The following WRN variants were observed in gnomAD, a reference collection of about 807,000 sequenced individuals.
The protein encoded by WRN is bifunctional 3'-5' exonuclease/ATP-dependent helicase WRN.
A neutral mutation model predicts 180.7 loss-of-function variants in WRN; 149 were observed. That is an observed-to-expected ratio of 0.82 (90% CI 0.72 to 0.94). The LOEUF (loss-of-function observed/expected upper bound fraction) is 0.94. Among genes scored for constraint, WRN ranks in the 40% least tolerant of loss-of-function variants. The pLI is 0.00. For synonymous variants in WRN, 548 were observed against 568.9 expected (o/e 0.96, Z 0.52); for missense variants, 1,661 against 1,700.1 (o/e 0.98, Z 0.40).
In WRN at chr8:31,175,184, C is replaced by G. The variant is rs977627955; in HGVS notation, c.*2082C>G. Among the ~76,000 whole-genome samples the G allele has an allele frequency of 6.6e-6, 1 of 152,042 alleles. No individual in the cohort carries two copies. The highest frequency in any genetic ancestry group is 2.4e-5 in the African/African-American group (1 of 41,384). ...GGGCGCGGTGGCTCACGCCTGTAAT[C>G]CCAGCACTTTGGGAGGCCGAGGCGG... On this transcript the variant is annotated 3_prime_UTR_variant, in exon 35 of 35. Transcript: ENST00000298139.
At chr8:31,135,019 C>T (rs1478508742) in intron 24 of WRN, among the ~76,000 whole-genome samples, 1 of 151,884 alleles carries the variant, frequency 6.6e-6, no homozygotes, top group Non-Finnish European at 1.5e-5. Flanking sequence ...TCCCCCAAGC[C>T]CCCCCACCAA....
At chr8:31,161,028 CT>C (rs376084414) in intron 33 of WRN, among the ~76,000 whole-genome samples, 5 of 148,326 alleles carry the variant, frequency 3.4e-5, no homozygotes, top group Admixed American at 6.7e-5. Context: ...CCCCCACCCC[CT>C]TTTTTTTTTC....
intron 18 of WRN, among the ~76,000 whole-genome samples, chr8:31,109,625 G>A (rs1263242382): frequency 6.6e-6 from 1 of 152,084 alleles, no homozygotes; most frequent in African/African-American, 2.4e-5. Flanking sequence ...TATGATAGTT[G>A]AAACTTTTTG....
intron 1 of WRN, among the ~76,000 whole-genome samples, chr8:31,040,231 A>G (rs1811598225): frequency 6.6e-6 from 1 of 152,214 alleles, no homozygotes; most frequent in Non-Finnish European, 1.5e-5. Flanking sequence ...CTTTATATCT[A>G]TTGAGTGGAA....
intron 33 of WRN, 129 bp downstream of exon 33, chr8:31,157,659 T>C: frequency 7.6e-7 from 1 of 1,323,258 alleles, no homozygotes; most frequent in Non-Finnish European, 1.0e-6. Flanking sequence ...TGTGATTCTT[T>C]TTCTTGTTTT....
intron 1 of WRN, among the ~76,000 whole-genome samples, chr8:31,046,427 G>C (rs140881698): frequency 3.9e-5 from 6 of 152,192 alleles, no homozygotes; most frequent in Admixed American, 6.5e-5. Context: ...GATTAAGAAA[G>C]AGGATGGCTT....
At position 31,043,477 on chromosome 8, in the gene WRN, G is replaced by A. The variant is rs574537196; in HGVS notation, c.-77+9504G>A. ...TTGCTGTTACACATTTTGGGATGGG[G>A]TGAGGAGGGCTGAATGGAGATTAGG... On this transcript the variant is annotated intron_variant, in intron 1 of 34. Transcript: ENST00000298139. Among the ~76,000 whole-genome samples, 6 of 152,284 alleles carry A rather than the reference G, an allele frequency of 3.9e-5. No homozygotes were observed. In the South Asian group the frequency reaches 1.2e-3, roughly 32 times the overall value.
chr8:31,062,409 A>ATT (rs3056741), intron 3 of WRN, among the ~76,000 whole-genome samples: 9,783 of 139,650 alleles, frequency 0.07, 489 homozygotes, highest in East Asian at 0.16. Flanking sequence ...ATTTTCTTCA[A>ATT]TTTTTTTTTT....
At chr8:31,122,147 A>T (rs1801747477) in intron 21 of WRN, among the ~76,000 whole-genome samples, 1 of 152,036 alleles carries the variant, frequency 6.6e-6, no homozygotes, top group Non-Finnish European at 1.5e-5. Flanking sequence ...ATTCAAATCA[A>T]ATAGTGGTGC....
At chr8:31,148,254 C>T (rs1390306474) in intron 30 of WRN, among the ~76,000 whole-genome samples, 1 of 151,900 alleles carries the variant, frequency 6.6e-6, no homozygotes, top group Non-Finnish European at 1.5e-5. Context: ...TCTATGCCTT[C>T]CTCCTCCTTC....
intron 16 of WRN, among the ~76,000 whole-genome samples, chr8:31,094,994 C>A (rs1367241251): frequency 1.3e-5 from 2 of 152,052 alleles, no homozygotes; most frequent in Admixed American, 1.3e-4. Flanking sequence ...AGTGGAATTG[C>A]TGGGCTATAT....
intron 2 of WRN, among the ~76,000 whole-genome samples, chr8:31,058,836 G>A (rs187441871): frequency 3.6e-4 from 55 of 152,050 alleles, no homozygotes; most frequent in Admixed American, 7.2e-4. Context: ...TTTGCCAGCC[G>A]GTCTTCAGCA....
chr8:31,058,678 T>C (rs560980155), intron 2 of WRN, 135 bp downstream of exon 2: 2 of 846,144 alleles, frequency 2.4e-6, no homozygotes, highest in Non-Finnish European at 3.8e-6. Flanking sequence ...CACCAGGACC[T>C]AGTTGTTGAA....
At chr8:31,110,459 CT>C (rs1221391866) in intron 18 of WRN, among the ~76,000 whole-genome samples, 1 of 152,102 alleles carries the variant, frequency 6.6e-6, no homozygotes, top group African/African-American at 2.4e-5. Context: ...AAAAAACCTA[CT>C]CTTAAACTTA....
chr8:31,132,294 G>A (rs1355836964), intron 23 of WRN, 71 bp from the exon 24 acceptor site: 1 of 1,550,660 alleles, frequency 6.4e-7, no homozygotes, highest in African/African-American at 1.4e-5. Context: ...TAATTGTTAT[G>A]CTAAATCTTT....
chr8:31,058,948 A>G (rs1812380372), intron 2 of WRN, among the ~76,000 whole-genome samples: 1 of 152,230 alleles, frequency 6.6e-6, no homozygotes, highest in African/African-American at 2.4e-5. Flanking sequence ...TAGAGGTTTG[A>G]AAATAAACTT....
At chr8:31,152,194 G>A (rs2162072) in intron 31 of WRN, among the ~76,000 whole-genome samples, 149,404 of 152,168 alleles carry the variant, frequency 0.98, 73,411 homozygotes, top group East Asian at 1. Flanking sequence ...GCAAAAATGT[G>A]ATCAAATCGT....
At chr8:31,164,230 A>G (rs1231893534) in intron 33 of WRN, among the ~76,000 whole-genome samples, 1 of 152,154 alleles carries the variant, frequency 6.6e-6, no homozygotes, top group Non-Finnish European at 1.5e-5. Context: ...TTTTCTTTAT[A>G]AAATACTTTT....
At chr8:31,131,209 G>C (rs1016166680) in intron 23 of WRN, among the ~76,000 whole-genome samples, 2 of 132,070 alleles carry the variant, frequency 1.5e-5, no homozygotes, top group South Asian at 4.8e-4. Flanking sequence ...CTGGAGTGTA[G>C]TGGTGGCCCA....
Sources: allele counts gnomAD v4.1 joint callset (sites outside exome capture counted in the v4.1 genomes callset), GRCh38; gene constraint gnomAD v4.1.1; transcripts MANE v1.5; gene names NCBI Gene and HGNC (gene_info 2026-07-23, HGNC 2026-07-21).